Variants in THOC2 observed in about 807,000 individuals in gnomAD.
The protein encoded by THOC2 is THO complex 2.
In THOC2, 10 loss-of-function variants were observed where a neutral mutation model predicts 128.4. The ratio of observed to expected loss-of-function variants is 0.08; its 90% confidence interval spans 0.05 to 0.13. The LOEUF is 0.13. Among genes scored for constraint, THOC2 ranks in the 10% least tolerant of loss-of-function variants. THOC2 has a pLI of 1.00. For missense variants in THOC2, 535 were observed against 1,155.7 expected, an observed-to-expected ratio of 0.46 and a Z score of 7.79; for synonymous variants, 393 against 396.9, an observed-to-expected ratio of 0.99 and a Z score of 0.12.
chrX:123,613,807 G>C (rs1208584983), intron 34 of THOC2, 99 bp from the exon 35 acceptor site: 1 of 832,426 alleles, frequency 1.2e-6, no homozygotes, highest in African/African-American at 2.0e-5. Context: ...TAGCAATGGA[G>C]AGTATTTGCA....
intron 12 of THOC2, among the ~76,000 whole-genome samples, chrX:123,662,312 C>A (rs142184236): frequency 5.4e-5 from 6 of 110,787 alleles, no homozygotes; most frequent in Non-Finnish European, 9.4e-5. Context: ...ACTGGCCAGG[C>A]GCGGTGGCTC....
At chrX:123,658,290 C>A (rs2048691329) in intron 12 of THOC2, among the ~76,000 whole-genome samples, 3 of 111,239 alleles carry the variant, frequency 2.7e-5, no homozygotes. Context: ...TAATATTAAT[C>A]CAAATATATC....
intron 15 of THOC2, among the ~76,000 whole-genome samples, chrX:123,642,221 C>CT (rs1457584332): frequency 2.7e-5 from 3 of 111,094 alleles, no homozygotes; most frequent in Non-Finnish European, 5.7e-5. Flanking sequence ...GTCAGGAGTT[C>CT]GAGACCAGCC....
At chrX:123,638,591 G>A (rs972871076) in intron 17 of THOC2, among the ~76,000 whole-genome samples, 11 of 110,457 alleles carry the variant, frequency 1.0e-4, no homozygotes, top group Non-Finnish European at 1.9e-4. Flanking sequence ...CCCAGGAGGC[G>A]GAGGTTGCAA....
chrX:123,608,069 C>T (rs1293836856), intron 38 of THOC2, among the ~76,000 whole-genome samples: 1 of 109,451 alleles, frequency 9.1e-6, no homozygotes, highest in Non-Finnish European at 1.9e-5. Context: ...GGCAACATGG[C>T]GAAACCCCGT....
chrX:123,618,255 A>G (rs1308359948), intron 33 of THOC2, among the ~76,000 whole-genome samples: 1 of 111,954 alleles, frequency 8.9e-6, no homozygotes, highest in Non-Finnish European at 1.9e-5. Flanking sequence ...AATAACCCCG[A>G]TATCTACTTC....
rs372132078 is a variant in THOC2 at position 123,636,151 on chromosome X, A to G, written c.1946T>C (p.Val649Ala). 5 of 1,208,572 alleles carry G rather than the reference A, an allele frequency of 4.1e-6. No individual in the cohort carries two copies. The highest frequency in any genetic ancestry group is 5.6e-6 in the Non-Finnish European group (5 of 893,486). ...AAGATCAATTGGATATTTACGAAAA[A>G]CTGCACCACAGAAACTAGCCAGACC... ...LQSLASFCGA[V>A]FRKYPIDLAG... The change falls in exon 19 of 39, where the codon GTT becomes GCT. Residue 649 changes from valine (V) to alanine (A), a missense_variant. By Grantham distance (64) the Val-to-Ala change is moderately conservative (BLOSUM62 0). Coordinates refer to ENST00000245838, the MANE Select transcript of THOC2 (RefSeq NM_001081550.2).
chrX:123,714,206 G>GTAA lies in THOC2; in HGVS notation c.72-1301_72-1299dup, dbSNP rs200107575. ...TTTCCTGTCAGTAATTACCTTAAAT[G>GTAA]TAACATCTAACTCCATGTTCAAAAG... On this transcript the variant is annotated intron_variant, in intron 1 of 38. Coordinates refer to ENST00000245838, the MANE Select transcript of THOC2 (RefSeq NM_001081550.2). 2.2e-3 allele frequency among the ~76,000 whole-genome samples: 245 copies of GTAA among 112,440 alleles called. 10 individuals carry two copies. In the East Asian group the frequency reaches 0.059, roughly 27 times the overall value.
At chrX:123,638,365 G>A (rs938616796) in intron 17 of THOC2, among the ~76,000 whole-genome samples, 3 of 111,890 alleles carry the variant, frequency 2.7e-5, no homozygotes, top group Non-Finnish European at 5.6e-5. Flanking sequence ...ATATCAAGAT[G>A]TTTGGTAAGC....
At chrX:123,707,255 C>T (rs1467574120) in intron 2 of THOC2, among the ~76,000 whole-genome samples, 1 of 111,027 alleles carries the variant, frequency 9.0e-6, no homozygotes, top group Non-Finnish European at 1.9e-5. Context: ...TCTGATTCCC[C>T]CCAAAACAAT....
At chrX:123,679,438 G>A (rs1045543643) in intron 8 of THOC2, among the ~76,000 whole-genome samples, 1 of 110,583 alleles carries the variant, frequency 9.0e-6, no homozygotes, top group Non-Finnish European at 1.9e-5. Context: ...CTGGTTCCTC[G>A]TCTTCTCCTA....
intron 4 of THOC2, among the ~76,000 whole-genome samples, chrX:123,700,507 C>T (rs999483140): frequency 4.3e-4 from 7 of 16,225 alleles, no homozygotes; most frequent in African/African-American, 1.3e-3. Flanking sequence ...ATTCTCGGGG[C>T]GGGGCTGGGG....
chrX:123,654,401 T>TAAG (rs1326259053), intron 12 of THOC2, among the ~76,000 whole-genome samples: 1 of 107,789 alleles, frequency 9.3e-6, no homozygotes, highest in Non-Finnish European at 1.9e-5. Context: ...ACTTAAAGTA[T>TAAG]AATAATAATA....
intron 2 of THOC2, among the ~76,000 whole-genome samples, chrX:123,711,214 T>A (rs1161194872): frequency 2.0e-5 from 2 of 98,894 alleles, no homozygotes; most frequent in Non-Finnish European, 4.0e-5. Context: ...TTTTTTTTGG[T>A]AGAGATGGAG....
chrX:123,634,528 T>A lies in THOC2; in HGVS notation c.2019-458A>T, dbSNP rs188952243. On this transcript the variant is annotated intron_variant, in intron 19 of 38. Transcript: ENST00000245838. Reference sequence around the variant, plus strand: ...GAATTTCCTAAGAGAGCTATTCTCTTAAATAACCACAGCACAGTTATCAAT... The same window carrying A: ...GAATTTCCTAAGAGAGCTATTCTCTAAAATAACCACAGCACAGTTATCAAT... 9.4e-4 allele frequency among the ~76,000 whole-genome samples: 105 copies of A among 111,859 alleles called. 2 individuals carry two copies. Among genetic ancestry groups the A allele is most frequent in the African/African-American group, 3.2e-3 (100 of 30,852 alleles).
intron 1 of THOC2, among the ~76,000 whole-genome samples, chrX:123,727,156 G>A (rs906334708): frequency 9.0e-6 from 1 of 110,661 alleles, no homozygotes; most frequent in African/African-American, 3.3e-5. Context: ...GGTCAAGCCT[G>A]CAGTGAGCCG....
intron 30 of THOC2, among the ~76,000 whole-genome samples, chrX:123,622,115 T>C (rs1434715139): frequency 8.9e-6 from 1 of 111,739 alleles, no homozygotes; most frequent in Non-Finnish European, 1.9e-5. Context: ...AAAAGATGTA[T>C]TAGCCGGGCA....
intron 7 of THOC2, among the ~76,000 whole-genome samples, chrX:123,689,744 G>A (rs766127302): frequency 3.6e-5 from 4 of 111,805 alleles, no homozygotes; most frequent in South Asian, 3.7e-4. Context: ...AAATCTTAGC[G>A]TTTTAAGTAA....
At chrX:123,714,647 A>G (rs1482355811) in intron 1 of THOC2, among the ~76,000 whole-genome samples, 1 of 112,159 alleles carries the variant, frequency 8.9e-6, no homozygotes, top group Non-Finnish European at 1.9e-5. Context: ...TATCCATAAC[A>G]TGCCACCCAA....
Sources: allele counts gnomAD v4.1 joint callset (sites outside exome capture counted in the v4.1 genomes callset), GRCh38; gene constraint gnomAD v4.1.1; transcripts MANE v1.5; gene names NCBI Gene and HGNC (gene_info 2026-07-23, HGNC 2026-07-21).